The following MAD1L1 variants were observed in gnomAD, a reference collection of about 807,000 sequenced individuals.
The protein encoded by MAD1L1 is mitotic arrest deficient 1 like 1.
Under a neutral mutation model 96.9 loss-of-function variants are expected in MAD1L1, and 95 were observed. The observed-to-expected ratio is 0.98, with a 90% CI of 0.83 to 1.16. MAD1L1 has a LOEUF of 1.16. Ranked by LOEUF, MAD1L1 falls within the 50% of genes most tolerant of loss-of-function variation. The probability of loss-of-function intolerance (pLI) is 0.00; values close to 1 mark genes in which losing one functional copy is unlikely to be tolerated. For synonymous variants in MAD1L1, 473 were observed against 396.6 expected, an observed-to-expected ratio of 1.19 and a Z score of -2.29; for missense variants, 1,007 against 954.4, an observed-to-expected ratio of 1.06 and a Z score of -0.73.
intron 10 of MAD1L1, among the ~76,000 whole-genome samples, chr7:2,160,860 C>T (rs1202591089): frequency 6.6e-6 from 1 of 152,040 alleles, no homozygotes; most frequent in Non-Finnish European, 1.5e-5. Flanking sequence ...ATTTTCAAAG[C>T]CTAGTATTGC....
intron 18 of MAD1L1, among the ~76,000 whole-genome samples, chr7:1,891,962 T>C (rs1343762218): frequency 6.6e-6 from 1 of 152,182 alleles, no homozygotes; most frequent in Non-Finnish European, 1.5e-5. Context: ...AGTCTCCAGT[T>C]GTGCACACTC....
intron 11 of MAD1L1, among the ~76,000 whole-genome samples, chr7:2,144,265 C>G (rs973133331): frequency 6.6e-6 from 1 of 152,206 alleles, no homozygotes; most frequent in Non-Finnish European, 1.5e-5. Context: ...TGAAGCACAG[C>G]GCAGCGCATG....
intron 12 of MAD1L1, among the ~76,000 whole-genome samples, chr7:2,055,954 G>A (rs952600080): frequency 7.2e-5 from 11 of 152,244 alleles, no homozygotes; most frequent in African/African-American, 2.7e-4. Context: ...ACTCCAGCCT[G>A]AGTGACAGGG....
rs1487970717 is a variant in MAD1L1, at chr7:1,816,204, T to C, written c.2023A>G (p.Met675Val). ...GAGAACTCTGTCTCCAGTAGCTGCATCTTGGAACCCGAGGGGCTGGTGGCC... is the reference window on the plus strand; with the variant it reads ...GAGAACTCTGTCTCCAGTAGCTGCACCTTGGAACCCGAGGGGCTGGTGGCC... Reference protein sequence around the residue: ...FKATSPSGSKMQLLETEFSHT... With the variant: ...FKATSPSGSKVQLLETEFSHT... Residue 675 changes from methionine (M) to valine (V), a missense_variant, in exon 19 of 19, where the codon ATG (methionine) becomes GTG (valine). Coordinates refer to ENST00000265854, the MANE Select transcript of MAD1L1 (RefSeq NM_001013836.2). The C allele has an allele frequency of 6.2e-7, 1 of 1,612,580 alleles. No homozygotes were observed. Among genetic ancestry groups the C allele is most frequent in the Non-Finnish European group, 8.5e-7 (1 of 1,179,568 alleles).
At chr7:1,894,775 TGGA>T (rs772954440) in intron 18 of MAD1L1, among the ~76,000 whole-genome samples, 1 of 143,214 alleles carries the variant, frequency 7.0e-6, no homozygotes, top group Non-Finnish European at 1.5e-5. Context: ...GGACAGAGTC[TGGA>T]GGAGGAGTGG....
At chr7:2,189,813 C>T (rs73289777) in intron 10 of MAD1L1, among the ~76,000 whole-genome samples, 2,553 of 152,140 alleles carry the variant, frequency 0.017, 79 homozygotes, top group African/African-American at 0.058. Context: ...GTATTTGACC[C>T]AATACAACAA....
intron 7 of MAD1L1, among the ~76,000 whole-genome samples, chr7:2,216,933 G>C (rs1429081070): frequency 6.6e-6 from 1 of 152,140 alleles, no homozygotes; most frequent in Non-Finnish European, 1.5e-5. Context: ...ATCCACTCCA[G>C]GGCAGCTCTT....
chr7:2,195,995 T>A (rs1331079893), intron 10 of MAD1L1, among the ~76,000 whole-genome samples: 1 of 152,224 alleles, frequency 6.6e-6, no homozygotes, highest in African/African-American at 2.4e-5. Flanking sequence ...ATCGGGCTGA[T>A]CAGCTCACAA....
chr7:2,201,209 G>T (rs1051139600), intron 10 of MAD1L1, among the ~76,000 whole-genome samples: 2 of 113,818 alleles, frequency 1.8e-5, no homozygotes, highest in African/African-American at 5.6e-5. Context: ...GGAAGTCCTC[G>T]GAGAGAAGGG....
rs1786927782 is a variant in MAD1L1, at chr7:2,103,540, G to C, written c.1074-34202C>G. On this transcript the variant is annotated intron_variant, in intron 11 of 18. Coordinates refer to ENST00000265854, the MANE Select transcript of MAD1L1 (RefSeq NM_001013836.2). This position sits in a 1 kb window ranked among gnomAD's most constrained non-coding sequence, Gnocchi z 4.3. ...GACCACCGTGCTCTTTGTTGGGCGG[G>C]GCAACCGCAGATGGGCCAGCACTGG... Among the ~76,000 whole-genome samples the C allele has an allele frequency of 6.6e-6, 1 of 152,128 alleles. No individual in the cohort carries two copies. The highest frequency in any genetic ancestry group is 2.4e-5 in the African/African-American group (1 of 41,442).
chr7:1,831,930 C>G (rs1238645434), intron 18 of MAD1L1, among the ~76,000 whole-genome samples: 1 of 152,230 alleles, frequency 6.6e-6, no homozygotes, highest in Non-Finnish European at 1.5e-5. Context: ...AGTTACTGGG[C>G]TCTGATGGAG....
Position 2,222,585 on chromosome 7 carries a change from T to C in MAD1L1, c.461A>G (p.Gln154Arg). ...AGAGGCCCCGCTCACCTCGCCAGCC[T>C]GGGCCAGACTGTCCTCTTTCTCACG... ...RLREKEDSLAQAGETINALKG... is the reference protein window; with the variant it reads ...RLREKEDSLARAGETINALKG... Residue 154 changes from glutamine (Q) to arginine (R), a missense_variant, in exon 5 of 19, where the codon CAG (glutamine) becomes CGG (arginine). Coordinates refer to ENST00000265854, the MANE Select transcript of MAD1L1 (RefSeq NM_001013836.2). 1 of 1,602,234 alleles carries C rather than the reference T, an allele frequency of 6.2e-7. No individual in the cohort carries two copies. The highest frequency in any genetic ancestry group is 8.5e-7 in the Non-Finnish European group (1 of 1,174,288).
chr7:2,108,350 T>G (rs537854640), intron 11 of MAD1L1, among the ~76,000 whole-genome samples: 11 of 152,314 alleles, frequency 7.2e-5, no homozygotes, highest in African/African-American at 2.2e-4. Flanking sequence ...CGCGTCAGAA[T>G]CAGCACAGAT....
rs963452841 is a variant in MAD1L1 at position 1,968,103 on chromosome 7, G to A, written c.1506-10384C>T. Among the ~76,000 whole-genome samples, 19 of 152,400 alleles carry A rather than the reference G, an allele frequency of 1.2e-4. No homozygotes were observed. Among genetic ancestry groups the A allele is most frequent in the African/African-American group, 4.1e-4 (17 of 41,600 alleles). On this transcript the variant is annotated intron_variant, in intron 15 of 18. Coordinates refer to ENST00000265854, the MANE Select transcript of MAD1L1 (RefSeq NM_001013836.2). The surrounding 1 kb of genome is among the most constrained non-coding windows in gnomAD (Gnocchi z 5.6). ...TGTAGAACTCATCCCTCCAGAGGGG[G>A]AGCGTCGCCTGTGCCCTGAGGGATT... is the stretch of plus-strand genomic sequence containing the variant.
At chr7:1,934,991 C>G (rs186653052) in intron 17 of MAD1L1, among the ~76,000 whole-genome samples, 1 of 150,580 alleles carries the variant, frequency 6.6e-6, no homozygotes, top group East Asian at 2.0e-4. Context: ...AAACCCGAGA[C>G]GGGCAGAGAC....
At chr7:1,951,868 T>G (rs969318021) in intron 16 of MAD1L1, among the ~76,000 whole-genome samples, 58 of 152,164 alleles carry the variant, frequency 3.8e-4, no homozygotes, top group Non-Finnish European at 6.9e-4. Context: ...TGCGCTCACC[T>G]CTGGGCTACC....
intron 13 of MAD1L1, among the ~76,000 whole-genome samples, chr7:2,003,902 C>T (rs1398065444): frequency 1.3e-5 from 2 of 152,194 alleles, no homozygotes; most frequent in Non-Finnish European, 1.5e-5. Context: ...CTGGATAATC[C>T]GGCCACTGCT....
intron 5 of MAD1L1, 63 bp from the exon 6 acceptor site, chr7:2,219,519 C>T (rs1413055867): frequency 1.3e-6 from 2 of 1,576,566 alleles, no homozygotes; most frequent in South Asian, 1.1e-5. Flanking sequence ...AAGGAGCCTG[C>T]ACATGGAGAT....
intron 12 of MAD1L1, among the ~76,000 whole-genome samples, chr7:2,041,501 A>C (rs1304752390): frequency 6.6e-6 from 1 of 152,078 alleles, no homozygotes; most frequent in Non-Finnish European, 1.5e-5. Flanking sequence ...CCCTGACTCC[A>C]TTTGGGCACC....
Sources: allele counts gnomAD v4.1 joint callset (sites outside exome capture counted in the v4.1 genomes callset), GRCh38; gene constraint gnomAD v4.1.1; non-coding constraint Gnocchi (gnomAD v3.1); transcripts MANE v1.5; gene names NCBI Gene and HGNC (gene_info 2026-07-23, HGNC 2026-07-21).